CNTNAP2: variants seen among roughly 807,000 people sequenced by gnomAD.
CNTNAP2 encodes contactin-associated protein-like 2.
A neutral mutation model predicts 155.2 loss-of-function variants in CNTNAP2; 98 were observed. That is an observed-to-expected ratio of 0.63 (90% CI 0.54 to 0.75). The LOEUF is 0.75. CNTNAP2 is among the 30% of genes least tolerant of loss of function. CNTNAP2 has a pLI of 0.00. For synonymous variants in CNTNAP2, 651 were observed against 631.2 expected (o/e 1.03, Z -0.47); for missense variants, 1,727 against 1,688.1 (o/e 1.02, Z -0.40).
intron 3 of CNTNAP2, among the ~76,000 whole-genome samples, chr7:147,001,517 A>C (rs903981115): frequency 6.6e-6 from 1 of 152,088 alleles, no homozygotes; most frequent in Non-Finnish European, 1.5e-5. Flanking sequence ...ATTGTGGCTT[A>C]CCTATAAAGA....
chr7:148,151,000 A>C (rs557709995), intron 17 of CNTNAP2, among the ~76,000 whole-genome samples: 17 of 152,042 alleles, frequency 1.1e-4, no homozygotes, highest in Admixed American at 2.6e-4. Flanking sequence ...AATTACAGGC[A>C]TGAGCCACCA....
rs117249214 is a variant in CNTNAP2, at chr7:147,060,302, A to G, written c.550+16248A>G. Among the ~76,000 whole-genome samples the G allele has an allele frequency of 3.9e-5, 6 of 152,364 alleles. No homozygotes were observed. The East Asian group carries it at 1.2e-3, about 29-fold the overall frequency. ...GAAGTGGTCAAATAAACTGTGTTGA[A>G]CAGCCATTGCAAATTATTTAAAGCA... On this transcript the variant is annotated intron_variant, in intron 4 of 23. Transcript: ENST00000361727.
intron 1 of CNTNAP2, among the ~76,000 whole-genome samples, chr7:146,358,426 A>G (rs1795036178): frequency 6.6e-6 from 1 of 152,174 alleles, no homozygotes; most frequent in African/African-American, 2.4e-5. Context: ...TGTCTAAAAG[A>G]TTTTCCTGGA....
At chr7:147,042,942 T>G (rs1799287362) in intron 3 of CNTNAP2, among the ~76,000 whole-genome samples, 1 of 152,164 alleles carries the variant, frequency 6.6e-6, no homozygotes, top group African/African-American at 2.4e-5. Flanking sequence ...TCAACTTGTC[T>G]ATTATAGGGA....
At chr7:148,110,845 C>T (rs1257351522) in intron 15 of CNTNAP2, among the ~76,000 whole-genome samples, 2 of 152,148 alleles carry the variant, frequency 1.3e-5, no homozygotes, top group African/African-American at 4.8e-5. Context: ...GGGGGTAAAG[C>T]TCCTTAATAA....
At chr7:147,332,888 A>C (rs1795597620) in intron 9 of CNTNAP2, among the ~76,000 whole-genome samples, 1 of 152,126 alleles carries the variant, frequency 6.6e-6, no homozygotes, top group Non-Finnish European at 1.5e-5. Flanking sequence ...CATAATTATC[A>C]ATGTGGGTTG....
intron 15 of CNTNAP2, among the ~76,000 whole-genome samples, chr7:148,065,997 C>G (rs1803251640): frequency 6.6e-6 from 1 of 152,126 alleles, no homozygotes; most frequent in African/African-American, 2.4e-5. Flanking sequence ...TGAATTATCT[C>G]AGCATTTGTT....
At chr7:146,940,696 T>TACACAC (rs112623198) in intron 3 of CNTNAP2, among the ~76,000 whole-genome samples, 1,754 of 149,080 alleles carry the variant, frequency 0.012, 16 homozygotes, top group Non-Finnish European at 0.018. Flanking sequence ...TATATATATA[T>TACACAC]ACACACACAC....
chr7:147,139,001 T>C (rs992126524), intron 8 of CNTNAP2, among the ~76,000 whole-genome samples: 2 of 152,014 alleles, frequency 1.3e-5, no homozygotes, highest in African/African-American at 2.4e-5. Flanking sequence ...CACTAGTTGA[T>C]ACTAAGAGAA....
intron 18 of CNTNAP2, among the ~76,000 whole-genome samples, chr7:148,214,179 T>C (rs1316019889): frequency 4.6e-5 from 7 of 152,182 alleles, no homozygotes; most frequent in African/African-American, 1.4e-4. Flanking sequence ...TGCATTCTAA[T>C]AATCTGTTTA....
At chr7:147,424,890 T>A (rs1797353517) in intron 10 of CNTNAP2, among the ~76,000 whole-genome samples, 1 of 152,046 alleles carries the variant, frequency 6.6e-6, no homozygotes, top group Admixed American at 6.6e-5. Context: ...GTCCAACCTA[T>A]CAGGAATGGC....
At chr7:146,489,383 A>C (rs1797105768) in intron 1 of CNTNAP2, among the ~76,000 whole-genome samples, 1 of 152,190 alleles carries the variant, frequency 6.6e-6, no homozygotes, top group African/African-American at 2.4e-5. Flanking sequence ...GTCTAATTGA[A>C]AACCGAACCT....
intron 20 of CNTNAP2, among the ~76,000 whole-genome samples, chr7:148,248,838 C>G (rs926580927): frequency 6.6e-6 from 1 of 152,166 alleles, no homozygotes; most frequent in Admixed American, 6.5e-5. Flanking sequence ...TCTAGGAAGA[C>G]AGCAGAATTC....
chr7:146,948,160 CT>C (rs1305864812), intron 3 of CNTNAP2, among the ~76,000 whole-genome samples: 2 of 152,174 alleles, frequency 1.3e-5, no homozygotes, highest in Middle Eastern at 6.8e-3. Context: ...ATCTTTTTCT[CT>C]TAATAAATCC....
At chr7:146,122,354 C>T (rs1797575969) in intron 1 of CNTNAP2, among the ~76,000 whole-genome samples, 1 of 152,162 alleles carries the variant, frequency 6.6e-6, no homozygotes, top group African/African-American at 2.4e-5. Context: ...GTTAATGAAT[C>T]CCACTGTATC....
chr7:147,775,284 AAT>A (rs1175635782), intron 13 of CNTNAP2, among the ~76,000 whole-genome samples: 24 of 81,036 alleles, frequency 3.0e-4, no homozygotes, highest in African/African-American at 3.8e-4. Flanking sequence ...TATATTTATA[AAT>A]ATATATATTT....
intron 8 of CNTNAP2, among the ~76,000 whole-genome samples, chr7:147,229,042 T>C (rs1385436826): frequency 7.6e-6 from 1 of 130,896 alleles, no homozygotes; most frequent in East Asian, 5.4e-4. Context: ...ACATTTTCTT[T>C]ATATATATAT....
chr7:147,265,610 C>T (rs539854263), intron 8 of CNTNAP2, among the ~76,000 whole-genome samples: 53 of 152,304 alleles, frequency 3.5e-4, no homozygotes, highest in African/African-American at 1.1e-3. Context: ...ACAGCTCAGA[C>T]GAGTGGGTTT....
intron 9 of CNTNAP2, among the ~76,000 whole-genome samples, chr7:147,323,570 A>G (rs1345558362): frequency 6.6e-6 from 1 of 150,986 alleles, no homozygotes; most frequent in African/African-American, 2.4e-5. Flanking sequence ...TGGGGTGGAG[A>G]GTTCTGTAGA....
Sources: allele counts gnomAD v4.1 joint callset (sites outside exome capture counted in the v4.1 genomes callset), GRCh38; gene constraint gnomAD v4.1.1; transcripts MANE v1.5; gene names NCBI Gene and HGNC (gene_info 2026-07-23, HGNC 2026-07-21).